TMEM87B: variants seen among roughly 807,000 people sequenced by gnomAD.
TMEM87B encodes transmembrane protein 87B.
Under a neutral mutation model 80.3 loss-of-function variants are expected in TMEM87B, and 83 were observed. The observed-to-expected ratio is 1.03, with a 90% CI of 0.87 to 1.24. TMEM87B has a LOEUF of 1.24. Among genes scored for constraint, TMEM87B ranks in the 50% most tolerant of loss-of-function variants. The pLI is 0.00. For synonymous variants in TMEM87B, 219 were observed against 230.5 expected (o/e 0.95, Z 0.45); for missense variants, 625 against 674.4 (o/e 0.93, Z 0.81).
At chr2:112,105,003 T>C (rs772869953) in intron 15 of TMEM87B, among the ~76,000 whole-genome samples, 2 of 152,148 alleles carry the variant, frequency 1.3e-5, no homozygotes, top group African/African-American at 2.4e-5. Flanking sequence ...GAGGTGGGGA[T>C]TGACCAGAAA....
At chr2:112,062,407 A>G (rs930056995) in intron 2 of TMEM87B, among the ~76,000 whole-genome samples, 13 of 152,236 alleles carry the variant, frequency 8.5e-5, no homozygotes, top group African/African-American at 3.1e-4. Context: ...ATACAGAAAG[A>G]GCATTTGAAA....
chr2:112,056,513 A>G (rs1188994176), intron 1 of TMEM87B, among the ~76,000 whole-genome samples: 1 of 152,202 alleles, frequency 6.6e-6, no homozygotes, highest in Non-Finnish European at 1.5e-5. Context: ...GGGCAGAATT[A>G]TGGAAAGTCT....
At chr2:112,058,385 G>T (rs900507182) in intron 1 of TMEM87B, among the ~76,000 whole-genome samples, 2 of 152,220 alleles carry the variant, frequency 1.3e-5, no homozygotes, top group East Asian at 1.9e-4. Flanking sequence ...ACTGGAGGGG[G>T]TAGTGAGGAA....
chr2:112,113,512 C>T (rs1573733377), intron 18 of TMEM87B, among the ~76,000 whole-genome samples: 2 of 152,154 alleles, frequency 1.3e-5, no homozygotes, highest in East Asian at 1.9e-4. Context: ...GAGCTGTATA[C>T]GTTGAAAGAG....
chr2:112,108,937 G>T (rs1194651286), intron 17 of TMEM87B, among the ~76,000 whole-genome samples: 1 of 152,162 alleles, frequency 6.6e-6, no homozygotes, highest in Non-Finnish European at 1.5e-5. Context: ...AGCAATATAT[G>T]AGGGTTCCAA....
chr2:112,064,355 G>A, intron 3 of TMEM87B, 102 bp downstream of exon 3: 2 of 954,296 alleles, frequency 2.1e-6, no homozygotes, highest in East Asian at 2.4e-5. Context: ...AGAGATTACA[G>A]TTTTAGAAGT....
intron 3 of TMEM87B, among the ~76,000 whole-genome samples, chr2:112,066,264 C>G (rs1289120542): frequency 6.6e-6 from 1 of 152,224 alleles, no homozygotes; most frequent in Non-Finnish European, 1.5e-5. Flanking sequence ...GATGCACTCT[C>G]TCTACTCCCC....
intron 11 of TMEM87B, chr2:112,095,509 T>G (rs879578389): frequency 3.5e-6 from 3 of 855,792 alleles, no homozygotes; most frequent in Admixed American, 1.3e-4. Flanking sequence ...CCAGACCAGA[T>G]TTTTTTTTAA....
chr2:112,069,834 G>C (rs112930837), intron 4 of TMEM87B, among the ~76,000 whole-genome samples: 23,188 of 152,122 alleles, frequency 0.15, 1,892 homozygotes, highest in South Asian at 0.21. Flanking sequence ...GCCAGCATCT[G>C]TTATTTTTTG....
chr2:112,097,198 A>G (rs776141543), intron 12 of TMEM87B, 35 bp from the exon 13 acceptor site: 146 of 1,603,198 alleles, frequency 9.1e-5, no homozygotes, highest in Non-Finnish European at 1.2e-4. Flanking sequence ...TAGTATTGTT[A>G]TATTCCTTCA....
chr2:112,098,544 A>G (rs753854722), intron 13 of TMEM87B, 51 bp from the exon 14 acceptor site: 4 of 1,544,360 alleles, frequency 2.6e-6, no homozygotes, highest in East Asian at 2.2e-5. Context: ...TGGGAAACCT[A>G]TATGCTTATC....
chr2:112,098,705 A>G lies in TMEM87B; in HGVS notation c.1376+7A>G, dbSNP rs773681912. The G allele has an allele frequency of 5.0e-6, 8 of 1,612,902 alleles. No individual in the cohort carries two copies. Among genetic ancestry groups the G allele is most frequent in the East Asian group, 2.2e-5 (1 of 44,844 alleles). ...CATCAGCAAACAATCAGAGGTACCTAACATAGGAAATTTCAAGTCGTCAAG... is the reference window on the plus strand; with the variant it reads ...CATCAGCAAACAATCAGAGGTACCTGACATAGGAAATTTCAAGTCGTCAAG... On this transcript the variant is annotated splice_region_variant and intron_variant, in intron 14 of 18. Transcript: ENST00000283206.
At chr2:112,092,956 G>A (rs1573714361) in intron 11 of TMEM87B, among the ~76,000 whole-genome samples, 1 of 152,132 alleles carries the variant, frequency 6.6e-6, no homozygotes, top group South Asian at 2.1e-4. Flanking sequence ...CTGTTAGATA[G>A]GTTTCATTTT....
intron 2 of TMEM87B, among the ~76,000 whole-genome samples, chr2:112,060,957 G>T (rs1678241360): frequency 6.6e-6 from 1 of 152,094 alleles, no homozygotes; most frequent in African/African-American, 2.4e-5. Context: ...ATTTAACTTT[G>T]AGTCTCAGAT....
intron 9 of TMEM87B, 43 bp from the exon 10 acceptor site, chr2:112,089,580 ACC>A: frequency 1.3e-6 from 2 of 1,572,236 alleles, no homozygotes; most frequent in Non-Finnish European, 8.8e-7. Flanking sequence ...CATTTTACTC[ACC>A]CATGCTTTTT....
Position 112,118,844 on chromosome 2 carries a change from C to T in TMEM87B, c.*2701C>T, listed in dbSNP as rs1680090275. 6.6e-6 allele frequency: 1 copy of T among 151,936 alleles called. No homozygotes were observed. Among genetic ancestry groups the T allele is most frequent in the African/African-American group, 2.4e-5 (1 of 41,354 alleles). The allele number at this position is 151,936 out of a possible 1,614,324, so 9.4% of individuals were successfully genotyped here. On this transcript the variant is annotated 3_prime_UTR_variant, in exon 19 of 19. Transcript: ENST00000283206. The stretch of plus-strand genomic sequence containing the variant: ...TAAAAAAAAGTTCGAGTCTGTTGCA[C>T]TAGGCTGTACATGACTAAAGTTGAC...
At chr2:112,060,874 G>A (rs1288362167) in intron 2 of TMEM87B, among the ~76,000 whole-genome samples, 1 of 152,154 alleles carries the variant, frequency 6.6e-6, no homozygotes, top group Non-Finnish European at 1.5e-5. Flanking sequence ...TTCAGAAAAT[G>A]TAATGTGAAT....
intron 4 of TMEM87B, among the ~76,000 whole-genome samples, chr2:112,073,040 C>T (rs1395585254): frequency 6.6e-6 from 1 of 151,780 alleles, no homozygotes; most frequent in Admixed American, 6.6e-5. Flanking sequence ...GCTGGGATTG[C>T]AGGCACCCAC....
At chr2:112,059,814 T>C (rs1678189752) in intron 1 of TMEM87B, among the ~76,000 whole-genome samples, 163 bp from the exon 2 acceptor site, 1 of 152,140 alleles carries the variant, frequency 6.6e-6, no homozygotes, top group South Asian at 2.1e-4. Context: ...AGTAGAACCA[T>C]GACAAGGTTT....
Sources: allele counts gnomAD v4.1 joint callset (sites outside exome capture counted in the v4.1 genomes callset), GRCh38; gene constraint gnomAD v4.1.1; transcripts MANE v1.5; gene names NCBI Gene and HGNC (gene_info 2026-07-23, HGNC 2026-07-21).